Variants in SLC14A2 observed in about 807,000 individuals in gnomAD.
SLC14A2 encodes the protein solute carrier family 14 member 2.
In SLC14A2, 91 loss-of-function variants were observed where a neutral mutation model predicts 104.6. The observed-to-expected ratio is 0.87, with a 90% confidence interval of 0.73 to 1.04. SLC14A2 has a LOEUF of 1.04. Among genes scored for constraint, SLC14A2 ranks in the 50% least tolerant of loss-of-function variants. The pLI is 0.00. For missense variants in SLC14A2, 1,189 were observed against 1,156.0 expected (o/e 1.03, Z -0.41); for synonymous variants, 476 against 466.4 (o/e 1.02, Z -0.27).
At position 45,468,223 on chromosome 18, in the gene SLC14A2, G is replaced by A. The variant is rs547133393; in HGVS notation, c.-124-15010G>A. Among the ~76,000 whole-genome samples, 19 of 152,128 alleles carry A rather than the reference G, an allele frequency of 1.2e-4. No individual in the cohort carries two copies. In the East Asian group the frequency reaches 3.5e-3, roughly 28 times the overall value. On this transcript the variant is annotated intron_variant, in intron 1 of 20. Transcript: ENST00000586448. ...CTCCAGGGGCTGGTGGGGCTAAATG[G>A]AAACTCAGGCAAAGAGAACAAAAGG...
At chr18:45,604,379 A>C (rs559702241) in intron 2 of SLC14A2, among the ~76,000 whole-genome samples, 1 of 152,224 alleles carries the variant, frequency 6.6e-6, no homozygotes, top group Non-Finnish European at 1.5e-5. Context: ...CCATTTTAAA[A>C]TTCTAAGTAA....
At position 45,675,501 on chromosome 18, in the gene SLC14A2, G is replaced by T. The variant is rs77971530; in HGVS notation, c.2512+1684G>T. ...TCTATAACACATACAAGTGGAGTTT[G>T]GGGGGCGTTTTACTGTTGTTGTTGT... On this transcript the variant is annotated intron_variant, in intron 18 of 19. Transcript: ENST00000255226. Among the ~76,000 whole-genome samples the T allele has an allele frequency of 9.4e-3, 1,426 of 151,640 alleles. 22 individuals carry two copies. Among genetic ancestry groups the T allele is most frequent in the African/African-American group, 0.029 (1,183 of 41,300 alleles).
At chr18:45,301,991 C>T (rs536341273) in intron 1 of SLC14A2, among the ~76,000 whole-genome samples, 1 of 152,306 alleles carries the variant, frequency 6.6e-6, no homozygotes, top group Admixed American at 6.5e-5. Flanking sequence ...ACAATGCCAG[C>T]CCTGAAGTCT....
chr18:45,673,831 A>G lies in SLC14A2; in HGVS notation c.2512+14A>G, dbSNP rs371833803. 7.5e-6 allele frequency: 12 copies of G among 1,609,992 alleles called. No individual in the cohort carries two copies. Among genetic ancestry groups the G allele is most frequent in the Non-Finnish European group, 1.0e-5 (12 of 1,176,662 alleles). On this transcript the variant is annotated intron_variant, in intron 18 of 19. Coordinates refer to ENST00000255226, the MANE Select transcript of SLC14A2 (RefSeq NM_007163.4). Reference sequence around the variant, plus strand: ...CCATCGCCTGCGGTAGGTACTCCCCACAGAGGATTTGTTTCCTTTATAAAA... The same window carrying G: ...CCATCGCCTGCGGTAGGTACTCCCCGCAGAGGATTTGTTTCCTTTATAAAA...
At chr18:45,461,007 A>G (rs573352886) in intron 1 of SLC14A2, among the ~76,000 whole-genome samples, 1 of 152,062 alleles carries the variant, frequency 6.6e-6, no homozygotes, top group Non-Finnish European at 1.5e-5. Context: ...AACCTTTCCT[A>G]TGAGATCTCA....
At chr18:45,665,206 G>C (rs950680086) in intron 11 of SLC14A2, among the ~76,000 whole-genome samples, 2 of 152,106 alleles carry the variant, frequency 1.3e-5, no homozygotes, top group Non-Finnish European at 2.9e-5. Flanking sequence ...ACACCCTGAC[G>C]ACTCATGAGT....
chr18:45,387,189 G>A (rs1014558514), intron 1 of SLC14A2, among the ~76,000 whole-genome samples: 3 of 152,072 alleles, frequency 2.0e-5, no homozygotes, highest in Non-Finnish European at 4.4e-5. Flanking sequence ...ACCATGTATG[G>A]CCATCTCTTT....
intron 1 of SLC14A2, among the ~76,000 whole-genome samples, chr18:45,301,223 C>T (rs1229010521): frequency 1.3e-5 from 2 of 152,212 alleles, no homozygotes; most frequent in Non-Finnish European, 2.9e-5. Flanking sequence ...ACGAGGAACT[C>T]GCCCAAGGTC....
chr18:45,172,432 TTGG>T, the SLC14A2 span, among the ~76,000 whole-genome samples: 1 of 152,146 alleles, frequency 6.6e-6, no homozygotes, highest in Non-Finnish European at 1.5e-5. Context: ...TTCATGGATA[TTGG>T]TGGTAACTGA....
chr18:45,283,921 G>T (rs938343461), intron 1 of SLC14A2, among the ~76,000 whole-genome samples: 1 of 152,146 alleles, frequency 6.6e-6, no homozygotes, highest in Non-Finnish European at 1.5e-5. Context: ...TGTGCTTTAA[G>T]TGTAAAACAT....
intron 4 of SLC14A2, among the ~76,000 whole-genome samples, chr18:45,629,370 C>G (rs1426932932): frequency 6.6e-6 from 1 of 152,202 alleles, no homozygotes; most frequent in South Asian, 2.1e-4. Context: ...TGGGCTCCAG[C>G]CAGGTTCCTG....
At chr18:45,555,592 G>A (rs1385879265) in intron 2 of SLC14A2, among the ~76,000 whole-genome samples, 1 of 152,164 alleles carries the variant, frequency 6.6e-6, no homozygotes, top group African/African-American at 2.4e-5. Context: ...AATTCAAAGT[G>A]GACACTTCCC....
intron 1 of SLC14A2, among the ~76,000 whole-genome samples, chr18:45,235,759 C>T (rs1334691104): frequency 6.7e-6 from 1 of 149,024 alleles, no homozygotes; most frequent in Admixed American, 6.8e-5. Flanking sequence ...AGATTTCATT[C>T]ATTTTTATGG....
At chr18:45,426,181 C>A (rs903755182) in intron 1 of SLC14A2, among the ~76,000 whole-genome samples, 1 of 152,152 alleles carries the variant, frequency 6.6e-6, no homozygotes, top group East Asian at 1.9e-4. Flanking sequence ...TCCACCTCTG[C>A]CTCTGATTCT....
chr18:45,205,163 GC>G, the SLC14A2 span, among the ~76,000 whole-genome samples: 1 of 152,176 alleles, frequency 6.6e-6, no homozygotes, highest in Non-Finnish European at 1.5e-5. Context: ...TGGCATGGGG[GC>G]CCAGACCTTC....
chr18:45,300,415 T>G (rs912401192), intron 1 of SLC14A2, among the ~76,000 whole-genome samples: 3 of 150,308 alleles, frequency 2.0e-5, no homozygotes, highest in Non-Finnish European at 4.4e-5. Context: ...TTAACCAATA[T>G]GCTGTTCTGC....
In SLC14A2 at chr18:45,529,090, G is replaced by A. The variant is rs189416353; in HGVS notation, c.-35+45768G>A. 2.4e-4 allele frequency: 37 copies of A among 152,320 alleles called. No homozygotes were observed. In the East Asian group the frequency reaches 6.6e-3, roughly 27 times the overall value. 9.4% of individuals were successfully genotyped at this position (152,320 alleles called of 1,614,324 possible). A position where few individuals can be genotyped will look rare whatever the true frequency, so the allele number is the denominator to read the frequency against. The stretch of plus-strand genomic sequence containing the variant: ...GCTGAATGCAGCTAAGTGACCTGAG[G>A]GAACAAAAGAGCCTCCCAGCCAAGA... On this transcript the variant is annotated intron_variant, in intron 2 of 20. Transcript: ENST00000586448.
intron 2 of SLC14A2, among the ~76,000 whole-genome samples, chr18:45,520,542 G>A (rs72915336): frequency 0.087 from 13,229 of 152,202 alleles, 702 homozygotes; most frequent in Non-Finnish European, 0.12. Context: ...ATTTATTTCT[G>A]TTCTTTTTGA....
intron 4 of SLC14A2, among the ~76,000 whole-genome samples, 173 bp downstream of exon 4, chr18:45,627,320 A>T (rs780666611): frequency 6.6e-6 from 1 of 152,242 alleles, no homozygotes; most frequent in Non-Finnish European, 1.5e-5. Context: ...TGCTCACAGC[A>T]TGTGACAGTG....
Sources: gnomAD v4.1 joint callset for allele counts (sites outside exome capture counted in the v4.1 genomes callset) on GRCh38, gnomAD v4.1.1 for gene constraint, MANE v1.5 for transcripts, NCBI Gene and HGNC (gene_info 2026-07-23, HGNC 2026-07-21) for gene names.